The following NCALD variants were observed in gnomAD, a reference collection of about 807,000 sequenced individuals.
The protein encoded by NCALD is neurocalcin-delta.
In NCALD, 10 loss-of-function variants were observed where a neutral mutation model predicts 18.6. That is an observed-to-expected ratio of 0.54 (90% confidence interval 0.33 to 0.91). NCALD has a LOEUF of 0.91. NCALD is among the 40% of genes least tolerant of loss of function. NCALD has a pLI of 0.03. For missense variants in NCALD, 184 were observed against 247.6 expected, an observed-to-expected ratio of 0.74 and a Z score of 1.72; for synonymous variants, 88 against 87.4, an observed-to-expected ratio of 1.01 and a Z score of -0.04.
intron 2 of NCALD, among the ~76,000 whole-genome samples, chr8:101,707,589 G>T (rs1400612229): frequency 6.6e-6 from 1 of 152,242 alleles, no homozygotes; most frequent in Admixed American, 6.5e-5. Flanking sequence ...CTTCCTTCAG[G>T]TTTCACTCAT....
chr8:102,043,671 A>G (rs76706166), intron 1 of NCALD, among the ~76,000 whole-genome samples: 10,864 of 147,270 alleles, frequency 0.074, 545 homozygotes, highest in East Asian at 0.13. Context: ...AGAAGAAGAG[A>G]AGGAGGAGGA....
At chr8:101,757,728 G>A (rs1810948269) in intron 1 of NCALD, among the ~76,000 whole-genome samples, 1 of 151,742 alleles carries the variant, frequency 6.6e-6, no homozygotes, top group Non-Finnish European at 1.5e-5. Context: ...CTCTATCCCT[G>A]TATTAATTAA....
At chr8:101,902,053 A>C (rs1817445543) in intron 3 of NCALD, among the ~76,000 whole-genome samples, 1 of 152,174 alleles carries the variant, frequency 6.6e-6, no homozygotes, top group South Asian at 2.1e-4. Context: ...AGCCTCCCAA[A>C]GTGCTGGGAT....
At chr8:101,849,451 A>G (rs1052076290) in intron 4 of NCALD, among the ~76,000 whole-genome samples, 2 of 152,200 alleles carry the variant, frequency 1.3e-5, no homozygotes, top group East Asian at 3.9e-4. Flanking sequence ...TAAAAATTAC[A>G]TGTTGATTCA....
intron 1 of NCALD, among the ~76,000 whole-genome samples, chr8:102,023,703 C>T (rs114132246): frequency 6.6e-6 from 1 of 152,178 alleles, no homozygotes; most frequent in Admixed American, 6.5e-5. Context: ...CTTTCCAGTT[C>T]CGAGACCAAG....
Position 101,811,960 on chromosome 8 carries a change from C to T in NCALD, c.-20+75181G>A, listed in dbSNP as rs113407729. The stretch of plus-strand genomic sequence containing the variant: ...GAAAAGAAATCAAAGAACTGCACTG[C>T]TCTTTTTCTATCATCTACAATTCAA... On this transcript the variant is annotated intron_variant, in intron 4 of 6. Coordinates refer to the NCALD transcript ENST00000311028. Among the ~76,000 whole-genome samples, 871 of 152,322 alleles carry T rather than the reference C, an allele frequency of 5.7e-3. 11 individuals carry two copies. The highest frequency in any genetic ancestry group is 0.018 in the African/African-American group (765 of 41,572).
chr8:101,947,630 T>C (rs1031893223), intron 2 of NCALD, among the ~76,000 whole-genome samples: 4 of 152,246 alleles, frequency 2.6e-5, no homozygotes, highest in Non-Finnish European at 4.4e-5. Flanking sequence ...CAAAGTTGTA[T>C]TGACCTTGAT....
At chr8:101,891,426 T>C (rs1334482991) in intron 3 of NCALD, among the ~76,000 whole-genome samples, 1 of 152,260 alleles carries the variant, frequency 6.6e-6, no homozygotes, top group Non-Finnish European at 1.5e-5. Flanking sequence ...ATCTAAGTTG[T>C]TGCATGTATC....
chr8:101,941,752 C>G (rs1345844445), intron 2 of NCALD, among the ~76,000 whole-genome samples: 1 of 152,092 alleles, frequency 6.6e-6, no homozygotes, highest in African/African-American at 2.4e-5. Context: ...TAACTAAAAG[C>G]ACCATCAGTC....
At position 102,082,263 on chromosome 8, in the gene NCALD, C is replaced by G. The variant is rs145545670; in HGVS notation, c.-210+41974G>C. On this transcript the variant is annotated intron_variant, in intron 1 of 6. Transcript: ENST00000311028. The stretch of plus-strand genomic sequence containing the variant: ...TTTTTTTTTTTTTGAGAGGGAGTCT[C>G]GCTCTGTCGCCCAGGCTGGAGTGCA... Among the ~76,000 whole-genome samples, 3 of 108,852 alleles carry G rather than the reference C, an allele frequency of 2.8e-5. No individual in the cohort carries two copies. The East Asian group carries it at 8.7e-4, about 32-fold the overall frequency. 71.4% of individuals were successfully genotyped at this position (108,852 alleles called of 152,430 possible). A position where few individuals can be genotyped will look rare whatever the true frequency, so the allele number is the denominator to read the frequency against.
chr8:101,704,545 C>T (rs1055200479), intron 2 of NCALD, among the ~76,000 whole-genome samples: 14 of 152,080 alleles, frequency 9.2e-5, no homozygotes, highest in Non-Finnish European at 1.5e-4. Flanking sequence ...ATCACAAATG[C>T]GAGATGAGTC....
chr8:101,887,183 G>A (rs530730362), exon 4 of NCALD: 5 of 151,994 alleles, frequency 3.3e-5, no homozygotes, highest in South Asian at 4.2e-4. Context: ...GGCCTTCCTC[G>A]GTATCACGAC....
chr8:101,939,493 C>A (rs572079871), intron 2 of NCALD, among the ~76,000 whole-genome samples: 1 of 152,270 alleles, frequency 6.6e-6, no homozygotes, highest in African/African-American at 2.4e-5. Flanking sequence ...TTAATTAATT[C>A]TTTCTCTTTA....
chr8:102,033,197 G>A (rs1822742012), intron 1 of NCALD, among the ~76,000 whole-genome samples: 1 of 152,120 alleles, frequency 6.6e-6, no homozygotes, highest in African/African-American at 2.4e-5. Flanking sequence ...CAATTGACTT[G>A]CAGCCACGGA....
Position 101,956,094 on chromosome 8 carries a change from C to T in NCALD, c.-156-40236G>A, listed in dbSNP as rs915402946. Among the ~76,000 whole-genome samples the T allele has an allele frequency of 2.6e-5, 4 of 152,110 alleles. 1 individual carries two copies. Among genetic ancestry groups the T allele is most frequent in the Non-Finnish European group, 4.4e-5 (3 of 68,006 alleles). On this transcript the variant is annotated intron_variant, in intron 2 of 6. Coordinates refer to the NCALD transcript ENST00000311028. ...TATTTGTACTATTCTTGACATTTTTCTATAAGTTTGAAATTATAATTTAAA... is the reference window on the plus strand; with the variant it reads ...TATTTGTACTATTCTTGACATTTTTTTATAAGTTTGAAATTATAATTTAAA...
At chr8:101,703,530 A>T (rs1451449071) in intron 2 of NCALD, among the ~76,000 whole-genome samples, 2 of 152,172 alleles carry the variant, frequency 1.3e-5, no homozygotes, top group East Asian at 3.9e-4. Flanking sequence ...AACCCAAAAA[A>T]CAATGGACAT....
intron 4 of NCALD, among the ~76,000 whole-genome samples, chr8:101,863,743 G>A (rs1815641762): frequency 6.6e-6 from 1 of 152,122 alleles, no homozygotes. Context: ...AGAGTGGGGA[G>A]GACTAATTCA....
At chr8:101,938,962 TTATTA>T (rs1563915775) in intron 2 of NCALD, among the ~76,000 whole-genome samples, 6 of 152,244 alleles carry the variant, frequency 3.9e-5, no homozygotes, top group African/African-American at 1.2e-4. Flanking sequence ...ATAAATGTCA[TTATTA>T]AATACCTTAA....
chr8:101,780,951 TAG>T (rs2130952975), intron 1 of NCALD, among the ~76,000 whole-genome samples: 1 of 152,278 alleles, frequency 6.6e-6, no homozygotes, highest in South Asian at 2.1e-4. Context: ...ATTAACAGTA[TAG>T]TCCTTGGCTA....
Sources: gnomAD v4.1 joint callset for allele counts (sites outside exome capture counted in the v4.1 genomes callset) on GRCh38, gnomAD v4.1.1 for gene constraint, MANE v1.5 for transcripts, NCBI Gene and HGNC (gene_info 2026-07-23, HGNC 2026-07-21) for gene names.